MED21: variants seen among roughly 807,000 people sequenced by gnomAD.
The protein encoded by MED21 is mediator of RNA polymerase II transcription subunit 21.
A neutral mutation model predicts 18.2 loss-of-function variants in MED21; 9 were observed. The ratio of observed to expected loss-of-function variants is 0.49; its 90% CI spans 0.30 to 0.86. MED21 has a LOEUF of 0.86. Among genes scored for constraint, MED21 ranks in the 40% least tolerant of loss-of-function variants. MED21 has a pLI of 0.07. For synonymous variants in MED21, 73 were observed against 60.5 expected (o/e 1.21, Z -0.96); for missense variants, 150 against 170.9 (o/e 0.88, Z 0.68).
chr12:27,023,366 C>T (rs1941501954), intron 1 of MED21, among the ~76,000 whole-genome samples: 1 of 140,370 alleles, frequency 7.1e-6, no homozygotes, highest in South Asian at 2.3e-4. Flanking sequence ...GTGGCGCGAT[C>T]TCTGCTCACT....
chr12:27,030,010 T>A lies in MED21; in HGVS notation c.*1549T>A. 1 of 403,734 alleles carries A rather than the reference T, an allele frequency of 2.5e-6. No homozygotes were observed. Among genetic ancestry groups the A allele is most frequent in the African/African-American group, 2.0e-5 (1 of 48,900 alleles). 25.0% of individuals were successfully genotyped at this position (403,734 alleles called of 1,614,324 possible). ...TAGAATGGCAGGAATAAAGAAGGCATAATGTATAGGGTAAATATAATAGAC... is the reference window on the plus strand; with the variant it reads ...TAGAATGGCAGGAATAAAGAAGGCAAAATGTATAGGGTAAATATAATAGAC... On this transcript the variant is annotated 3_prime_UTR_variant, in exon 4 of 4. Transcript: ENST00000282892.
At chr12:27,028,234 A>G in intron 3 of MED21, 51 bp from the exon 4 acceptor site, 3 of 1,496,398 alleles carry the variant, frequency 2.0e-6, no homozygotes, top group Non-Finnish European at 2.7e-6. Context: ...TACATCTGTG[A>G]CAGCTTCTCT....
rs1376126042 is a variant in MED21 at position 27,030,135 on chromosome 12, G to A, written c.*1674G>A. The A allele has an allele frequency of 6.3e-6, 4 of 639,838 alleles. No homozygotes were observed. Among genetic ancestry groups the A allele is most frequent in the Non-Finnish European group, 1.1e-5 (4 of 352,276 alleles). 39.6% of individuals were successfully genotyped at this position (639,838 alleles called of 1,614,324 possible). ...AGAGGATATACAGTTTTTTTTTGTT[G>A]TTCTTGTTTCTGTTTTTTTAAGGTG... is the stretch of plus-strand genomic sequence containing the variant. On this transcript the variant is annotated 3_prime_UTR_variant, in exon 4 of 4. Coordinates refer to ENST00000282892, the MANE Select transcript of MED21 (RefSeq NM_004264.5).
At chr12:27,023,322 T>C (rs1349605157) in intron 1 of MED21, among the ~76,000 whole-genome samples, 1 of 137,198 alleles carries the variant, frequency 7.3e-6, no homozygotes, top group Non-Finnish European at 1.7e-5. Flanking sequence ...TTTTTTACTT[T>C]GGAGACAGTG....
chr12:27,036,994 G>T (rs1273042161), intron 2 of MED21: 2 of 152,118 alleles, frequency 1.3e-5, no homozygotes, highest in Non-Finnish European at 2.9e-5. Flanking sequence ...TTGGTAGCTT[G>T]ATGGGGATGG....
chr12:27,036,770 A>T (rs1941652326), intron 2 of MED21, among the ~76,000 whole-genome samples: 1 of 152,148 alleles, frequency 6.6e-6, no homozygotes, highest in African/African-American at 2.4e-5. Flanking sequence ...GTTATTTCTG[A>T]GGCCTCTGTT....
At position 27,029,642 on chromosome 12, in the gene MED21, A is replaced by G. The variant is rs897840645; in HGVS notation, c.*1181A>G. The stretch of plus-strand genomic sequence containing the variant: ...GTACTATGTTTCAAATTTCAGGAAC[A>G]CCAGCGTTAGCTGTAAAAGTTGCAG... On this transcript the variant is annotated 3_prime_UTR_variant, in exon 4 of 4. Coordinates refer to ENST00000282892, the MANE Select transcript of MED21 (RefSeq NM_004264.5). 12 of 985,388 alleles carry G rather than the reference A, an allele frequency of 1.2e-5. No individual in the cohort carries two copies. The African/African-American group carries it at 1.4e-4, about 11-fold the overall frequency. The allele number at this position is 985,388 out of a possible 1,614,324, so 61.0% of individuals were successfully genotyped here.
At chr12:27,034,416 C>T (rs1941637293), downstream of MED21, among the ~76,000 whole-genome samples, 1 of 151,958 alleles carries the variant, frequency 6.6e-6, no homozygotes, top group Admixed American at 6.5e-5. Context: ...GGGCAAAACT[C>T]CGTCTCAAAA....
At chr12:27,033,410 C>T (rs540471351), downstream of MED21, among the ~76,000 whole-genome samples, 3 of 152,186 alleles carry the variant, frequency 2.0e-5, no homozygotes, top group East Asian at 1.9e-4. Context: ...TTCAAAGGCT[C>T]GACCCATCAT....
chr12:27,024,636 G>T (rs1459421713), intron 1 of MED21, among the ~76,000 whole-genome samples: 1 of 152,206 alleles, frequency 6.6e-6, no homozygotes, highest in Non-Finnish European at 1.5e-5. Context: ...AATAAGGACA[G>T]AGTGAATATG....
Position 27,028,809 on chromosome 12 carries a change from C to G in MED21, c.*348C>G, listed in dbSNP as rs1941578996. 5.0e-6 allele frequency: 5 copies of G among 998,422 alleles called. No homozygotes were observed. The South Asian group carries it at 2.3e-4, about 45-fold the overall frequency. The allele number at this position is 998,422 out of a possible 1,614,324, so 61.8% of individuals were successfully genotyped here. A position where few individuals can be genotyped will look rare whatever the true frequency, so the allele number is the denominator to read the frequency against. On this transcript the variant is annotated 3_prime_UTR_variant, in exon 4 of 4. Transcript: ENST00000282892. ...TGGCCAGTACTTTTACAAATCAAAA[C>G]ATCTCTCAAGCCAAAGGAGAAGACA... is the stretch of plus-strand genomic sequence containing the variant.
Position 27,026,445 on chromosome 12 carries a change from T to C in MED21, c.68T>C (p.Ile23Thr), listed in dbSNP as rs1327907485. ...NSLADQFCNAIGVLQQCGPPA... is the reference protein window; with the variant it reads ...NSLADQFCNATGVLQQCGPPA... ...CTTGCAGATCAGTTTTGTAATGCCA[T>C]TGGAGTATTGCAGCAATGTGGTCCT... The change falls in exon 2 of 4, where the codon ATT becomes ACT. Residue 23 changes from isoleucine to threonine, a missense_variant. Transcript: ENST00000282892. 3.1e-6 allele frequency: 5 copies of C among 1,613,652 alleles called. No individual in the cohort carries two copies. Among genetic ancestry groups the C allele is most frequent in the Middle Eastern group, 1.7e-4 (1 of 6,058 alleles).
chr12:27,030,241 C>T lies in MED21; in HGVS notation c.*1780C>T. 1.6e-6 allele frequency: 1 copy of T among 628,856 alleles called. No individual in the cohort carries two copies. 39.0% of individuals were successfully genotyped at this position (628,856 alleles called of 1,614,324 possible). ...TCACCCTGGGTTCAGGTGATCCTCCCACTTCAGCCTCTTCAGTAACTGGGA... is the reference window on the plus strand; with the variant it reads ...TCACCCTGGGTTCAGGTGATCCTCCTACTTCAGCCTCTTCAGTAACTGGGA... On this transcript the variant is annotated 3_prime_UTR_variant, in exon 4 of 4. Transcript: ENST00000282892.
chr12:27,033,313 T>C (rs1941631414), downstream of MED21, among the ~76,000 whole-genome samples: 1 of 152,178 alleles, frequency 6.6e-6, no homozygotes, highest in Non-Finnish European at 1.5e-5. Context: ...TGTCCTCACA[T>C]GGTAGAAGAA....
downstream of MED21, among the ~76,000 whole-genome samples, chr12:27,032,227 A>T (rs898969296): frequency 1.3e-5 from 2 of 152,222 alleles, no homozygotes; most frequent in East Asian, 3.8e-4. Flanking sequence ...GTCTTTGAAT[A>T]CAGGTGCCTA....
At chr12:27,023,300 C>CTTTTCTTTTTTT (rs1555110746) in intron 1 of MED21, among the ~76,000 whole-genome samples, 4 of 110,440 alleles carry the variant, frequency 3.6e-5, no homozygotes, top group African/African-American at 1.4e-4. Context: ...TTTTTCTTTT[C>CTTTTCTTTTTTT]TTTTTTTTTT....
intron 1 of MED21, 156 bp downstream of exon 1, chr12:27,022,777 C>G (rs906058693): frequency 2.0e-6 from 3 of 1,531,532 alleles, no homozygotes; most frequent in African/African-American, 1.4e-5. Context: ...ACCGCGAACT[C>G]GGAGGTTTGA....
In MED21 at chr12:27,030,112, A is replaced by C; in HGVS notation, c.*1651A>C. Reference sequence around the variant, plus strand: ...CGTTGTTGTATGTGATTCTCTGTAGAGGATATACAGTTTTTTTTTGTTGTT... The same window carrying C: ...CGTTGTTGTATGTGATTCTCTGTAGCGGATATACAGTTTTTTTTTGTTGTT... On this transcript the variant is annotated 3_prime_UTR_variant, in exon 4 of 4. Transcript: ENST00000282892. 1 of 582,604 alleles carries C rather than the reference A, an allele frequency of 1.7e-6. No homozygotes were observed. Among genetic ancestry groups the C allele is most frequent in the Non-Finnish European group, 3.1e-6 (1 of 322,530 alleles). 36.1% of individuals were successfully genotyped at this position (582,604 alleles called of 1,614,324 possible).
chr12:27,029,021 C>T lies in MED21; in HGVS notation c.*560C>T. ...TGTTTCTTCTGCTAGAACCTCATAC[C>T]TGTTCTAGTTCATCTCCACGTTTAT... On this transcript the variant is annotated 3_prime_UTR_variant, in exon 4 of 4. Transcript: ENST00000282892. 1 of 985,056 alleles carries T rather than the reference C, an allele frequency of 1.0e-6. No individual in the cohort carries two copies. 61.0% of individuals were successfully genotyped at this position (985,056 alleles called of 1,614,324 possible).
Sources: allele counts gnomAD v4.1 joint callset (sites outside exome capture counted in the v4.1 genomes callset), GRCh38; gene constraint gnomAD v4.1.1; transcripts MANE v1.5; gene names NCBI Gene and HGNC (gene_info 2026-07-23, HGNC 2026-07-21).